The following AJAP1 variants were observed in gnomAD, a reference collection of about 807,000 sequenced individuals.
AJAP1 encodes the protein adherens junction-associated protein 1.
In AJAP1, 5 loss-of-function variants were observed where a neutral mutation model predicts 35.0. The observed-to-expected ratio is 0.14, with a 90% CI of 0.07 to 0.30. AJAP1 has a LOEUF of 0.30. Ranked by LOEUF, AJAP1 falls within the 10% of genes least tolerant of loss-of-function variation. The probability of loss-of-function intolerance (pLI) is 1.00; values close to 1 mark genes in which losing one functional copy is unlikely to be tolerated. For missense variants in AJAP1, 586 were observed against 571.0 expected, an observed-to-expected ratio of 1.03 and a Z score of -0.27; for synonymous variants, 284 against 249.3, an observed-to-expected ratio of 1.14 and a Z score of -1.31.
At chr1:4,722,295 G>A (rs927125337) in intron 2 of AJAP1, among the ~76,000 whole-genome samples, 14 of 152,228 alleles carry the variant, frequency 9.2e-5, no homozygotes, top group Middle Eastern at 3.2e-3. Flanking sequence ...GAGCCGCGGG[G>A]CAGGTGCAAG....
rs1315312456 is a variant in AJAP1 at position 4,657,724 on chromosome 1, GGGGGT to G, written c.29+2279_29+2283del. 3.8e-3 allele frequency among the ~76,000 whole-genome samples: 552 copies of G among 145,002 alleles called. 9 individuals are homozygous for G. The highest frequency in any genetic ancestry group is 0.013 in the African/African-American group (524 of 39,460). ...AACTTGCTGGGCAGGGGGTGGGGGT[GGGGGT>G]GGGGTGGGCTTTCTTAGTTCCGGCC... On this transcript the variant is annotated intron_variant, in intron 1 of 5. Coordinates refer to ENST00000378191, the MANE Select transcript of AJAP1 (RefSeq NM_018836.4).
intron 2 of AJAP1, among the ~76,000 whole-genome samples, chr1:4,759,517 A>C (rs980976915): frequency 6.6e-6 from 1 of 151,990 alleles, no homozygotes; most frequent in African/African-American, 2.4e-5. Flanking sequence ...TGCTCCAGGG[A>C]GCTGGCTCAA....
At chr1:4,688,103 G>T (rs568739280) in intron 1 of AJAP1, among the ~76,000 whole-genome samples, 107 of 152,332 alleles carry the variant, frequency 7.0e-4, no homozygotes, top group African/African-American at 2.4e-3. Flanking sequence ...ATGGGGAAGG[G>T]GGCAGCTGAG....
chr1:4,654,929 C>G lies in AJAP1; in HGVS notation c.-497C>G, dbSNP rs1164371211. Reference sequence around the variant, plus strand: ...GGAGGGGACTCGCGTCCGTCCGCGTCGCGTCACCCCAAACCCTAAGCAGCG... The same window carrying G: ...GGAGGGGACTCGCGTCCGTCCGCGTGGCGTCACCCCAAACCCTAAGCAGCG... On this transcript the variant is annotated 5_prime_UTR_variant, in exon 1 of 6. Transcript: ENST00000378191. This position sits in a 1 kb window ranked among gnomAD's most constrained non-coding sequence, Gnocchi z 5.1. 1 of 149,568 alleles carries G rather than the reference C, an allele frequency of 6.7e-6. No individual in the cohort carries two copies. The highest frequency in any genetic ancestry group is 1.5e-5 in the Non-Finnish European group (1 of 67,028). 9.3% of individuals were successfully genotyped at this position (149,568 alleles called of 1,614,324 possible).
chr1:4,746,114 C>T (rs1641181183), intron 2 of AJAP1, among the ~76,000 whole-genome samples: 1 of 152,194 alleles, frequency 6.6e-6, no homozygotes, highest in South Asian at 2.1e-4. Flanking sequence ...GGACCATGCT[C>T]CCTCTGGAGG....
At chr1:4,771,234 A>G (rs1641827151) in intron 3 of AJAP1, among the ~76,000 whole-genome samples, 1 of 152,100 alleles carries the variant, frequency 6.6e-6, no homozygotes, top group Admixed American at 6.5e-5. Context: ...TCTGAGGAAG[A>G]CTTTGTGGGT....
intron 2 of AJAP1, among the ~76,000 whole-genome samples, chr1:4,745,726 C>T (rs530010674): frequency 2.6e-5 from 4 of 152,256 alleles, no homozygotes; most frequent in Non-Finnish European, 4.4e-5. Flanking sequence ...CAGCAGGTCA[C>T]GTGGGGATGG....
At chr1:4,690,195 G>A (rs1189895152) in intron 1 of AJAP1, among the ~76,000 whole-genome samples, 3 of 152,180 alleles carry the variant, frequency 2.0e-5, no homozygotes, top group South Asian at 2.1e-4. Context: ...GAGGGGATGC[G>A]CCCATCCAGA....
rs779800431 is a variant in AJAP1, at chr1:4,791,047, G to C, written c.*8562G>C. On this transcript the variant is annotated 3_prime_UTR_variant, in exon 6 of 6. Transcript: ENST00000378191. ...GATGGCAGGTGCTGGAGCCCAGAGA[G>C]GGGGTCACCCTCCAGCTAAAATGAT... 6.6e-6 allele frequency: 1 copy of C among 152,002 alleles called. No homozygotes were observed. Among genetic ancestry groups the C allele is most frequent in the African/African-American group, 2.4e-5 (1 of 41,302 alleles). 9.4% of individuals were successfully genotyped at this position (152,002 alleles called of 1,614,324 possible). A position where few individuals can be genotyped will look rare whatever the true frequency, so the allele number is the denominator to read the frequency against.
chr1:4,774,625 G>A, intron 5 of AJAP1, 67 bp downstream of exon 5: 1 of 874,852 alleles, frequency 1.1e-6, no homozygotes, highest in Non-Finnish European at 1.8e-6. Flanking sequence ...GCCCTCCCCT[G>A]CACTCTTTGG....
At chr1:4,665,966 G>A (rs1022609603) in intron 1 of AJAP1, among the ~76,000 whole-genome samples, 2 of 152,366 alleles carry the variant, frequency 1.3e-5, no homozygotes, top group African/African-American at 2.4e-5. Flanking sequence ...TTGGGCCCGA[G>A]GAGGAAGGGA....
At chr1:4,775,114 C>T (rs191718701) in intron 5 of AJAP1, among the ~76,000 whole-genome samples, 18 of 152,210 alleles carry the variant, frequency 1.2e-4, no homozygotes, top group South Asian at 4.2e-4. Flanking sequence ...AGCCAGGAAC[C>T]GGCACCAAAA....
chr1:4,771,477 G>A (rs990401445), intron 3 of AJAP1, among the ~76,000 whole-genome samples: 4 of 152,320 alleles, frequency 2.6e-5, no homozygotes, highest in South Asian at 2.1e-4. Context: ...CCCCCAATGC[G>A]GGGAGACGTC....
At chr1:4,709,298 C>T (rs1205700553) in intron 1 of AJAP1, among the ~76,000 whole-genome samples, 2 of 150,646 alleles carry the variant, frequency 1.3e-5, no homozygotes, top group Admixed American at 6.6e-5. Flanking sequence ...TGTAGTGGGG[C>T]CTGGTGAAGC....
Position 4,783,586 on chromosome 1 carries a change from T to C in AJAP1, c.*1101T>C, listed in dbSNP as rs2100379637. 6.7e-6 allele frequency: 1 copy of C among 148,166 alleles called. No individual in the cohort carries two copies. The highest frequency in any genetic ancestry group is 2.0e-4 in the East Asian group (1 of 5,086). The allele number at this position is 148,166 out of a possible 1,614,324, so 9.2% of individuals were successfully genotyped here. A position where few individuals can be genotyped will look rare whatever the true frequency, so the allele number is the denominator to read the frequency against. On this transcript the variant is annotated 3_prime_UTR_variant, in exon 6 of 6. Transcript: ENST00000378191. The stretch of plus-strand genomic sequence containing the variant: ...ATATGTTTGTGTATATATATACACA[T>C]ATGCATACATATGATTTTTTTTTTT...
chr1:4,755,806 G>A (rs1641416207), intron 2 of AJAP1, among the ~76,000 whole-genome samples: 1 of 151,100 alleles, frequency 6.6e-6, no homozygotes, highest in Non-Finnish European at 1.5e-5. Flanking sequence ...CAGCCAAGGG[G>A]TAGGGCGGGG....
In AJAP1 at chr1:4,787,702, G is replaced by C; in HGVS notation, c.*5217G>C. On this transcript the variant is annotated 3_prime_UTR_variant, in exon 6 of 6. Coordinates refer to ENST00000378191, the MANE Select transcript of AJAP1 (RefSeq NM_018836.4). ...AGCCCCTCCCATGTTGGTCCCATCT[G>C]TCAGGTTGCCAGGCCAAGCAGGTCT... 2 of 456,126 alleles carry C rather than the reference G, an allele frequency of 4.4e-6. No homozygotes were observed. Among genetic ancestry groups the C allele is most frequent in the Non-Finnish European group, 8.8e-6 (2 of 226,928 alleles). 28.3% of individuals were successfully genotyped at this position (456,126 alleles called of 1,614,324 possible).
At position 4,782,802 on chromosome 1, in the gene AJAP1, C is replaced by T. The variant is rs1345267654; in HGVS notation, c.*317C>T. The T allele has an allele frequency of 1.0e-5, 4 of 398,588 alleles. No homozygotes were observed. Among genetic ancestry groups the T allele is most frequent in the Admixed American group, 4.4e-5 (1 of 22,730 alleles). 24.7% of individuals were successfully genotyped at this position (398,588 alleles called of 1,614,324 possible). A position where few individuals can be genotyped will look rare whatever the true frequency, so the allele number is the denominator to read the frequency against. ...AAGAAAGGAACCAGAGGCAGAGAGA[C>T]GAGGATACCCAGCGAAAGGGACGGG... On this transcript the variant is annotated 3_prime_UTR_variant, in exon 6 of 6. Transcript: ENST00000378191. This position sits in a 1 kb window ranked among gnomAD's most constrained non-coding sequence, Gnocchi z 5.3.
intron 2 of AJAP1, among the ~76,000 whole-genome samples, chr1:4,738,867 A>C (rs2100311627): frequency 6.6e-6 from 1 of 152,250 alleles, no homozygotes; most frequent in Middle Eastern, 3.4e-3. Context: ...GCCCCATAGG[A>C]GCAGGAGAAC....
Sources: gnomAD v4.1 joint callset for allele counts (sites outside exome capture counted in the v4.1 genomes callset) on GRCh38, gnomAD v4.1.1 for gene constraint, Gnocchi (gnomAD v3.1) non-coding constraint, MANE v1.5 for transcripts, NCBI Gene and HGNC (gene_info 2026-07-23, HGNC 2026-07-21) for gene names.